The following AGAP1 variants were observed in gnomAD, a reference collection of about 807,000 sequenced individuals.
AGAP1 encodes the protein ArfGAP with GTPase domain, ankyrin repeat and PH domain 1, also known as arf-GAP with GTPase, ANK repeat and PH domain-containing protein 1.
In AGAP1, 29 loss-of-function variants were observed where a neutral mutation model predicts 105.3. The observed-to-expected ratio is 0.28, with a 90% CI of 0.21 to 0.38. The LOEUF (loss-of-function observed/expected upper bound fraction) is 0.38. Among genes scored for constraint, AGAP1 ranks in the 10% least tolerant of loss-of-function variants. AGAP1 has a pLI of 1.00. For missense variants in AGAP1, 998 were observed against 1,165.1 expected, an observed-to-expected ratio of 0.86 and a Z score of 2.09; for synonymous variants, 509 against 485.9, an observed-to-expected ratio of 1.05 and a Z score of -0.63.
In AGAP1 at chr2:235,874,095, G is replaced by T. The variant is rs148352788; in HGVS notation, c.1051-9250G>T. Among the ~76,000 whole-genome samples, 5 of 151,250 alleles carry T rather than the reference G, an allele frequency of 3.3e-5. No homozygotes were observed. In the East Asian group the frequency reaches 7.9e-4, roughly 24 times the overall value. ...TTGTTTTGAGACAGGGTCTTGCTCTGTCGCCAGGCTGGAGTGCAGTGGCGT... is the reference window on the plus strand; with the variant it reads ...TTGTTTTGAGACAGGGTCTTGCTCTTTCGCCAGGCTGGAGTGCAGTGGCGT... On this transcript the variant is annotated intron_variant, in intron 9 of 17. Transcript: ENST00000304032. This position sits in a 1 kb window ranked among gnomAD's most constrained non-coding sequence, Gnocchi z 4.5.
At chr2:235,619,933 A>G (rs969350120) in intron 1 of AGAP1, among the ~76,000 whole-genome samples, 2 of 151,912 alleles carry the variant, frequency 1.3e-5, no homozygotes, top group Admixed American at 6.5e-5. Flanking sequence ...AGCCTTGGCC[A>G]CTGCTGGCGC....
rs944586117 is a variant in AGAP1 at position 236,087,526 on chromosome 2, T to C, written c.2115-32666T>C. Among the ~76,000 whole-genome samples, 1 of 152,224 alleles carries C rather than the reference T, an allele frequency of 6.6e-6. No individual in the cohort carries two copies. Among genetic ancestry groups the C allele is most frequent in the Non-Finnish European group, 1.5e-5 (1 of 68,044 alleles). Reference sequence around the variant, plus strand: ...TGAAATGGCAAATGCGGTGTAGGACTGTGGTGCACACTGCCCATGACGGGC... The same window carrying C: ...TGAAATGGCAAATGCGGTGTAGGACCGTGGTGCACACTGCCCATGACGGGC... On this transcript the variant is annotated intron_variant, in intron 16 of 17. Transcript: ENST00000304032. The surrounding 1 kb of genome is among the most constrained non-coding windows in gnomAD (Gnocchi z 5.7).
chr2:235,672,049 C>CAAA (rs35296424), intron 1 of AGAP1, among the ~76,000 whole-genome samples: 12 of 145,954 alleles, frequency 8.2e-5, no homozygotes, highest in African/African-American at 3.0e-4. Context: ...TTTTTACCAC[C>CAAA]AAAAAAAAAA....
At chr2:235,990,029 A>G (rs956952796) in intron 13 of AGAP1, among the ~76,000 whole-genome samples, 2 of 152,110 alleles carry the variant, frequency 1.3e-5, no homozygotes, top group East Asian at 3.9e-4. Context: ...TCAGACTCAT[A>G]AAAATGTGGG....
chr2:235,762,578 G>T (rs972355824), intron 6 of AGAP1, among the ~76,000 whole-genome samples: 1 of 152,134 alleles, frequency 6.6e-6, no homozygotes, highest in Admixed American at 6.5e-5. Flanking sequence ...TTTCCTAAGA[G>T]AAAAATAGGC....
intron 15 of AGAP1, among the ~76,000 whole-genome samples, chr2:236,048,251 T>G (rs1203334142): frequency 6.6e-6 from 1 of 152,258 alleles, no homozygotes; most frequent in Non-Finnish European, 1.5e-5. Flanking sequence ...GTTCTTGGTC[T>G]TCTGATGATG....
At position 236,124,361 on chromosome 2, in the gene AGAP1, A is replaced by C; in HGVS notation, c.*239A>C. On this transcript the variant is annotated 3_prime_UTR_variant, in exon 18 of 18. Transcript: ENST00000304032. The surrounding 1 kb of genome is among the most constrained non-coding windows in gnomAD (Gnocchi z 5.1). ...TCCTTTTCATAAACTCCCCTAAACC[A>C]CACACAGGAGAGAGCGACGGGCCTC... is the stretch of plus-strand genomic sequence containing the variant. The C allele has an allele frequency of 1.8e-5, 10 of 549,848 alleles. No homozygotes were observed. Among genetic ancestry groups the C allele is most frequent in the East Asian group, 3.2e-5 (1 of 31,214 alleles). The allele number at this position is 549,848 out of a possible 1,614,324, so 34.1% of individuals were successfully genotyped here. A position where few individuals can be genotyped will look rare whatever the true frequency, so the allele number is the denominator to read the frequency against.
intron 1 of AGAP1, among the ~76,000 whole-genome samples, chr2:235,500,452 T>TTC (rs1177196546): frequency 6.6e-6 from 1 of 152,226 alleles, no homozygotes; most frequent in Non-Finnish European, 1.5e-5. Context: ...GGGACCGCAC[T>TTC]TCTGGAAGCA....
chr2:235,715,457 C>T (rs1411580582), intron 2 of AGAP1, among the ~76,000 whole-genome samples: 2 of 152,076 alleles, frequency 1.3e-5, no homozygotes, highest in Non-Finnish European at 2.9e-5. Flanking sequence ...TGAAGCCCTC[C>T]TCAGGTGAAA....
At chr2:235,763,066 GCGC>G (rs1954602899) in intron 6 of AGAP1, among the ~76,000 whole-genome samples, 1 of 97,416 alleles carries the variant, frequency 1.0e-5, no homozygotes, top group Non-Finnish European at 2.4e-5. Context: ...GTGCGCGCGC[GCGC>G]ACACGTGCAC....
intron 6 of AGAP1, among the ~76,000 whole-genome samples, chr2:235,786,535 TAATG>T (rs756161949): frequency 8.5e-5 from 13 of 152,190 alleles, no homozygotes; most frequent in Non-Finnish European, 1.9e-4. Context: ...GAATAATTAA[TAATG>T]AATTATAGTT....
At chr2:236,043,738 T>TG (rs564365759) in intron 15 of AGAP1, among the ~76,000 whole-genome samples, 108 of 131,916 alleles carry the variant, frequency 8.2e-4, no homozygotes, top group African/African-American at 2.1e-3. Flanking sequence ...AAAAAAAAAG[T>TG]GGGGGGGGTG....
intron 9 of AGAP1, among the ~76,000 whole-genome samples, chr2:235,837,374 G>A (rs1038637143): frequency 9.2e-5 from 14 of 152,148 alleles, no homozygotes; most frequent in African/African-American, 2.7e-4. Flanking sequence ...GAGAGGGAAC[G>A]TTTACTCTAA....
Position 235,864,707 on chromosome 2 carries a change from G to C in AGAP1, c.1051-18638G>C, listed in dbSNP as rs1433530660. On this transcript the variant is annotated intron_variant, in intron 9 of 17. Coordinates refer to ENST00000304032, the MANE Select transcript of AGAP1 (RefSeq NM_001037131.3). This position sits in a 1 kb window ranked among gnomAD's most constrained non-coding sequence, Gnocchi z 5.0. ...ATAATATTAACTAGAAAAATCAAGAGGGGATCTGTCAGTCCTGGTGGGAAA... is the reference window on the plus strand; with the variant it reads ...ATAATATTAACTAGAAAAATCAAGACGGGATCTGTCAGTCCTGGTGGGAAA... 6.6e-6 allele frequency among the ~76,000 whole-genome samples: 1 copy of C among 152,170 alleles called. No homozygotes were observed. The highest frequency in any genetic ancestry group is 1.5e-5 in the Non-Finnish European group (1 of 68,038).
At chr2:235,656,904 C>G (rs1008280149) in intron 1 of AGAP1, among the ~76,000 whole-genome samples, 4 of 152,212 alleles carry the variant, frequency 2.6e-5, no homozygotes, top group Non-Finnish European at 4.4e-5. Context: ...CGGTTTTGCA[C>G]TAGGGGTCCC....
chr2:235,664,936 G>A lies in AGAP1; in HGVS notation c.164-44243G>A, dbSNP rs7590181. 0.27 allele frequency among the ~76,000 whole-genome samples: 41,449 copies of A among 151,982 alleles called. 6,381 individuals are homozygous for A. Among genetic ancestry groups the A allele is most frequent in the East Asian group, 0.44 (2,269 of 5,154 alleles). On this transcript the variant is annotated intron_variant, in intron 1 of 17. Coordinates refer to ENST00000304032, the MANE Select transcript of AGAP1 (RefSeq NM_001037131.3). This position sits in a 1 kb window ranked among gnomAD's most constrained non-coding sequence, Gnocchi z 5.7. ...CATCTTTACCATAAATGAAAAAAACGTTAGCCAAGCATGGTGGCTCACGCC... is the reference window on the plus strand; with the variant it reads ...CATCTTTACCATAAATGAAAAAAACATTAGCCAAGCATGGTGGCTCACGCC...
intron 6 of AGAP1, among the ~76,000 whole-genome samples, chr2:235,762,740 G>C (rs60050351): frequency 0.018 from 2,762 of 152,226 alleles, 76 homozygotes; most frequent in African/African-American, 0.062. Context: ...GAGCATAGTG[G>C]TGGGCACCTG....
intron 9 of AGAP1, among the ~76,000 whole-genome samples, chr2:235,881,784 A>G (rs1430084418): frequency 6.6e-6 from 1 of 152,272 alleles, no homozygotes; most frequent in Non-Finnish European, 1.5e-5. Context: ...CCACCATTTA[A>G]GAAGACTGGA....
chr2:235,807,493 C>T (rs993535533), intron 9 of AGAP1, among the ~76,000 whole-genome samples, 162 bp downstream of exon 9: 6 of 152,228 alleles, frequency 3.9e-5, no homozygotes, highest in Non-Finnish European at 7.3e-5. Context: ...TGTGTGTATT[C>T]AAATGGGATC....
Sources: gnomAD v4.1 joint callset for allele counts (sites outside exome capture counted in the v4.1 genomes callset) on GRCh38, gnomAD v4.1.1 for gene constraint, Gnocchi (gnomAD v3.1) non-coding constraint, MANE v1.5 for transcripts, NCBI Gene and HGNC (gene_info 2026-07-23, HGNC 2026-07-21) for gene names.